Variants in CCSER1 observed in about 807,000 individuals in gnomAD.
The protein encoded by CCSER1 is coiled-coil serine rich protein 1.
A neutral mutation model predicts 82.0 loss-of-function variants in CCSER1; 41 were observed. That is an observed-to-expected ratio of 0.50 (90% CI 0.39 to 0.65). The LOEUF (loss-of-function observed/expected upper bound fraction) is 0.65. Ranked by LOEUF, CCSER1 falls within the 30% of genes least tolerant of loss-of-function variation. The pLI is 0.00. For synonymous variants in CCSER1, 414 were observed against 383.9 expected (o/e 1.08, Z -0.92); for missense variants, 1,119 against 1,064.2 (o/e 1.05, Z -0.72).
chr4:91,505,574 A>T (rs1759440603), intron 10 of CCSER1, among the ~76,000 whole-genome samples: 2 of 152,132 alleles, frequency 1.3e-5, no homozygotes, highest in African/African-American at 4.8e-5. Context: ...GTGTAAAAAC[A>T]TTCCTATTTC....
rs1303276135 is a variant in CCSER1, at chr4:91,013,310, T to G, written c.2173-72640T>G. The stretch of plus-strand genomic sequence containing the variant: ...AAATATTTAGTTTTCCAGACACTCT[T>G]TGTTGAAGACATTATTTTTCCACCT... On this transcript the variant is annotated intron_variant, in intron 9 of 10. Coordinates refer to ENST00000509176, the MANE Select transcript of CCSER1 (RefSeq NM_001145065.2). Among the ~76,000 whole-genome samples the G allele has an allele frequency of 5.2e-5, 7 of 133,886 alleles. 2 individuals carry two copies. Among genetic ancestry groups the G allele is most frequent in the Admixed American group, 1.5e-4 (2 of 13,404 alleles). The allele number at this position is 133,886 out of a possible 152,430, so 87.8% of individuals were successfully genotyped here. A position where few individuals can be genotyped will look rare whatever the true frequency, so the allele number is the denominator to read the frequency against.
intron 8 of CCSER1, among the ~76,000 whole-genome samples, chr4:90,826,893 A>G (rs950928865): frequency 1.3e-5 from 2 of 152,220 alleles, no homozygotes; most frequent in African/African-American, 2.4e-5. Context: ...TTGGGTGGTC[A>G]GGGCAGAAAC....
At chr4:91,218,807 G>C (rs1379479312) in intron 10 of CCSER1, among the ~76,000 whole-genome samples, 1 of 152,214 alleles carries the variant, frequency 6.6e-6, no homozygotes, top group African/African-American at 2.4e-5. Context: ...TGGCCTATCT[G>C]TTTATCACCT....
At chr4:91,085,751 G>A (rs761121470) in intron 9 of CCSER1, among the ~76,000 whole-genome samples, 199 bp from the exon 10 acceptor site, 1 of 151,178 alleles carries the variant, frequency 6.6e-6, no homozygotes, top group African/African-American at 2.4e-5. Context: ...GGCAGGAAAT[G>A]CATTGGGACT....
intron 10 of CCSER1, among the ~76,000 whole-genome samples, chr4:91,140,863 A>T (rs1728958212): frequency 6.6e-6 from 1 of 152,100 alleles, no homozygotes; most frequent in Non-Finnish European, 1.5e-5. Flanking sequence ...TGATGCAGGC[A>T]TATATTGCAC....
intron 8 of CCSER1, among the ~76,000 whole-genome samples, chr4:90,830,479 A>C (rs1225839230): frequency 6.6e-6 from 1 of 152,196 alleles, no homozygotes; most frequent in Non-Finnish European, 1.5e-5. Flanking sequence ...AGACTTGTGG[A>C]GTATGACACT....
chr4:91,490,697 C>T (rs9307096), intron 10 of CCSER1, among the ~76,000 whole-genome samples: 3 of 148,234 alleles, frequency 2.0e-5, no homozygotes, highest in Admixed American at 6.8e-5. Context: ...TTGTGCTACA[C>T]TTAACAGTGT....
chr4:91,301,407 C>G (rs145404922), intron 10 of CCSER1, among the ~76,000 whole-genome samples: 1 of 151,448 alleles, frequency 6.6e-6, no homozygotes, highest in Non-Finnish European at 1.5e-5. Context: ...GTCATATATT[C>G]CAAGTGGAAA....
intron 9 of CCSER1, among the ~76,000 whole-genome samples, chr4:90,957,100 T>A (rs1733528696): frequency 8.3e-6 from 1 of 120,868 alleles, no homozygotes. Flanking sequence ...TTTCTTTCCT[T>A]TTTTTTTTTT....
chr4:90,849,808 A>G (rs994717166), intron 8 of CCSER1, among the ~76,000 whole-genome samples: 19 of 151,654 alleles, frequency 1.3e-4, no homozygotes, highest in East Asian at 3.9e-4. Flanking sequence ...AAAAAAAAAA[A>G]AAAGAAAACC....
chr4:90,872,893 T>G (rs552778766), intron 8 of CCSER1, among the ~76,000 whole-genome samples: 2 of 152,148 alleles, frequency 1.3e-5, no homozygotes, highest in South Asian at 2.1e-4. Context: ...AAATATATCA[T>G]GCCACCCTCT....
chr4:90,768,917 T>C (rs1166186365), intron 7 of CCSER1, among the ~76,000 whole-genome samples: 1 of 152,152 alleles, frequency 6.6e-6, no homozygotes, highest in Non-Finnish European at 1.5e-5. Flanking sequence ...CTTTGAAAAT[T>C]CTCAGCCTCT....
intron 10 of CCSER1, among the ~76,000 whole-genome samples, chr4:91,530,756 C>T (rs887324709): frequency 6.7e-6 from 1 of 149,212 alleles, no homozygotes; most frequent in Non-Finnish European, 1.5e-5. Flanking sequence ...GGTGTGATCT[C>T]GGCTAACCAC....
chr4:90,704,828 G>A (rs1738978716), intron 6 of CCSER1, among the ~76,000 whole-genome samples: 2 of 152,076 alleles, frequency 1.3e-5, no homozygotes, highest in African/African-American at 4.8e-5. Flanking sequence ...GCTCCATCAG[G>A]TCATATAAGG....
chr4:90,957,222 C>T (rs1175909350), intron 9 of CCSER1, among the ~76,000 whole-genome samples: 1 of 139,682 alleles, frequency 7.2e-6, no homozygotes, highest in Admixed American at 7.6e-5. Context: ...CTGCCTCAGC[C>T]TCCCGACTAC....
chr4:91,327,281 C>T (rs1337501335), intron 10 of CCSER1, among the ~76,000 whole-genome samples: 1 of 152,226 alleles, frequency 6.6e-6, no homozygotes, highest in Non-Finnish European at 1.5e-5. Context: ...GTGGAGGCTC[C>T]CACTCCTCAA....
chr4:90,501,117 G>A (rs1458645228), intron 5 of CCSER1, among the ~76,000 whole-genome samples: 2 of 151,966 alleles, frequency 1.3e-5, no homozygotes, highest in Non-Finnish European at 2.9e-5. Context: ...ATGACATATC[G>A]ATGAGGAATT....
intron 10 of CCSER1, among the ~76,000 whole-genome samples, chr4:91,278,428 A>G (rs1042967720): frequency 1.1e-4 from 16 of 152,116 alleles, no homozygotes; most frequent in Non-Finnish European, 2.9e-5. Context: ...TAATCATTAT[A>G]TAATGAGCCT....
intron 10 of CCSER1, among the ~76,000 whole-genome samples, chr4:91,377,809 C>G (rs1383294399): frequency 6.6e-6 from 1 of 152,184 alleles, no homozygotes; most frequent in Non-Finnish European, 1.5e-5. Context: ...GTGTTTTAGA[C>G]ATGAAGTCCT....
Sources: allele counts gnomAD v4.1 joint callset (sites outside exome capture counted in the v4.1 genomes callset), GRCh38; gene constraint gnomAD v4.1.1; transcripts MANE v1.5; gene names NCBI Gene and HGNC (gene_info 2026-07-23, HGNC 2026-07-21).